The following PTPN4 variants were observed in gnomAD, a reference collection of about 807,000 sequenced individuals.
The protein encoded by PTPN4 is protein tyrosine phosphatase non-receptor type 4.
A neutral mutation model predicts 135.5 loss-of-function variants in PTPN4; 49 were observed. The observed-to-expected ratio is 0.36, with a 90% CI of 0.29 to 0.46. PTPN4 has a LOEUF of 0.46. Among genes scored for constraint, PTPN4 ranks in the 20% least tolerant of loss-of-function variants. The probability of loss-of-function intolerance (pLI) is 1.00; values close to 1 mark genes in which losing one functional copy is unlikely to be tolerated. For synonymous variants in PTPN4, 333 were observed against 369.9 expected (o/e 0.90, Z 1.14); for missense variants, 860 against 1,101.0 (o/e 0.78, Z 3.10).
chr2:119,830,531 C>T (rs931080232), intron 2 of PTPN4, among the ~76,000 whole-genome samples: 15 of 152,156 alleles, frequency 9.9e-5, no homozygotes, highest in Non-Finnish European at 1.5e-4. Context: ...TGCAGTGGCG[C>T]GGTCTTGGCT....
intron 12 of PTPN4, 117 bp from the exon 13 acceptor site, chr2:119,926,481 T>A: frequency 3.3e-6 from 2 of 613,102 alleles, no homozygotes; most frequent in South Asian, 8.2e-5. Context: ...CTGCTTCCTT[T>A]TCTCTGCTAG....
rs763567024 is a variant in PTPN4 at position 119,881,811 on chromosome 2, C to A, written c.394C>A (p.Gln132Lys). 2.6e-6 allele frequency: 4 copies of A among 1,564,446 alleles called. No individual in the cohort carries two copies. The African/African-American group carries it at 5.5e-5, about 21-fold the overall frequency. The part of the protein sequence containing the change: ...TRYQYFLQIK[Q>K]DILTGRLPCP... The stretch of plus-strand genomic sequence containing the variant: ...GTACCAGTATTTTTTGCAAATTAAA[C>A]AAGACATTCTTACTGGAAGGTGGGC... The change falls in exon 6 of 27, where the codon CAA becomes AAA. Residue 132 changes from glutamine (Q) to lysine (K), a missense_variant. Gln to Lys is a moderately conservative substitution (Grantham distance 53, BLOSUM62 1). Around this residue, in one of 2 missense-constraint regions of PTPN4, gnomAD observed 684 missense variants for 807.0 expected, o/e 0.85. Transcript: ENST00000263708.
intron 18 of PTPN4, among the ~76,000 whole-genome samples, chr2:119,951,758 G>A (rs1055196175): frequency 3.9e-5 from 6 of 152,086 alleles, no homozygotes; most frequent in African/African-American, 1.4e-4. Flanking sequence ...GCACATAATA[G>A]GTCATCAGGA....
chr2:119,848,444 A>T (rs924347610), intron 2 of PTPN4, among the ~76,000 whole-genome samples: 3 of 151,928 alleles, frequency 2.0e-5, no homozygotes, highest in African/African-American at 2.4e-5. Flanking sequence ...GAGTGCTGGG[A>T]TTACAGGCGT....
rs760556953 is a variant in PTPN4, at chr2:119,885,822, T to C, written c.615T>C (p.Phe205=). The C allele has an allele frequency of 5.6e-6, 9 of 1,602,966 alleles. No individual in the cohort carries two copies. In the Admixed American group the frequency reaches 1.6e-4, roughly 28 times the overall value. ...GCTTATCTCCTGCAGAAGCAGAATT[T>C]AATTACCTAAACACAGCACGTACCT... The part of the protein sequence containing the change: ...HIGLSPAEAE[F]NYLNTARTLE... The change falls in exon 9 of 27, where the codon TTT becomes TTC. Residue 205 remains phenylalanine, a synonymous_variant. Transcript: ENST00000263708.
At chr2:119,774,587 A>G (rs1268880952) in intron 1 of PTPN4, among the ~76,000 whole-genome samples, 1 of 152,220 alleles carries the variant, frequency 6.6e-6, no homozygotes, top group African/African-American at 2.4e-5. Flanking sequence ...ACTTAAAGCA[A>G]AAGAAAGGTG....
At chr2:119,948,229 T>C (rs1679164232) in intron 18 of PTPN4, among the ~76,000 whole-genome samples, 2 of 152,076 alleles carry the variant, frequency 1.3e-5, no homozygotes, top group South Asian at 4.1e-4. Flanking sequence ...ACAAAGTTAA[T>C]AGATAATATC....
Position 119,977,109 on chromosome 2 carries a change from T to C in PTPN4, c.*39T>C. 6.4e-7 allele frequency: 1 copy of C among 1,561,014 alleles called. No individual in the cohort carries two copies. Among genetic ancestry groups the C allele is most frequent in the African/African-American group, 1.4e-5 (1 of 71,688 alleles). On this transcript the variant is annotated 3_prime_UTR_variant, in exon 27 of 27. Coordinates refer to ENST00000263708, the MANE Select transcript of PTPN4 (RefSeq NM_002830.4). ...TCTGGGATATGTGTTGGAAAACTGCTTTCCCTTATGTTCACTGTGCCATAA... is the reference window on the plus strand; with the variant it reads ...TCTGGGATATGTGTTGGAAAACTGCCTTCCCTTATGTTCACTGTGCCATAA...
intron 13 of PTPN4, 122 bp from the exon 14 acceptor site, chr2:119,932,302 C>T: frequency 1.0e-6 from 1 of 976,594 alleles, no homozygotes; most frequent in Non-Finnish European, 1.4e-6. Flanking sequence ...TAATTTTTTA[C>T]AAGTAAACTC....
Position 119,922,189 on chromosome 2 carries a change from A to T in PTPN4, c.1001+1948A>T, listed in dbSNP as rs543456724. On this transcript the variant is annotated intron_variant, in intron 12 of 26. Coordinates refer to ENST00000263708, the MANE Select transcript of PTPN4 (RefSeq NM_002830.4). ...AAGGAAATTTGTACCATAAATATTAATAAAAGCAAGTTCAAGGACAATCTG... is the reference window on the plus strand; with the variant it reads ...AAGGAAATTTGTACCATAAATATTATTAAAAGCAAGTTCAAGGACAATCTG... 9.9e-5 allele frequency among the ~76,000 whole-genome samples: 15 copies of T among 150,784 alleles called. No individual in the cohort carries two copies. In the East Asian group the frequency reaches 2.9e-3, roughly 29 times the overall value.
chr2:119,954,423 C>T (rs1325631611), intron 19 of PTPN4, among the ~76,000 whole-genome samples: 1 of 152,206 alleles, frequency 6.6e-6, no homozygotes, highest in Non-Finnish European at 1.5e-5. Context: ...CTCTCCAGAT[C>T]TTCATGGGTA....
rs191199067 is a variant in PTPN4, at chr2:119,975,961, A to G, written c.2695-1023A>G. On this transcript the variant is annotated intron_variant, in intron 26 of 26. Transcript: ENST00000263708. ...TCCCTCCATCCCTTTATAAGAAACT[A>G]TTTTTATTTATTTTATTTTATTTTT... Among the ~76,000 whole-genome samples the G allele has an allele frequency of 3.9e-3, 576 of 149,222 alleles. 1 individual carries two copies. Among genetic ancestry groups the G allele is most frequent in the African/African-American group, 0.013 (531 of 40,720 alleles).
chr2:119,782,630 G>A (rs1299844712), intron 1 of PTPN4, among the ~76,000 whole-genome samples: 2 of 151,364 alleles, frequency 1.3e-5, no homozygotes, highest in African/African-American at 4.9e-5. Flanking sequence ...GTGAATCAGT[G>A]GCTTACTAGA....
intron 2 of PTPN4, among the ~76,000 whole-genome samples, chr2:119,832,329 T>C (rs952039838): frequency 2.6e-5 from 4 of 152,062 alleles, no homozygotes; most frequent in African/African-American, 9.6e-5. Flanking sequence ...TTGAGAGGAG[T>C]TTTCCATAAT....
intron 22 of PTPN4, 71 bp downstream of exon 22, chr2:119,957,148 T>A: frequency 7.3e-7 from 1 of 1,377,480 alleles, no homozygotes; most frequent in Non-Finnish European, 1.0e-6. Flanking sequence ...AGGTTCTTTT[T>A]GTTAAAATCC....
At chr2:119,876,897 A>ATATGTGTGTG (rs1491120929) in intron 3 of PTPN4, among the ~76,000 whole-genome samples, 7 of 136,026 alleles carry the variant, frequency 5.1e-5, no homozygotes, top group African/African-American at 1.1e-4. Context: ...GCCCAAGAGC[A>ATATGTGTGTG]TGTGTGTGTG....
At chr2:119,864,899 A>G (rs1293382187) in intron 3 of PTPN4, among the ~76,000 whole-genome samples, 1 of 152,086 alleles carries the variant, frequency 6.6e-6, no homozygotes, top group African/African-American at 2.4e-5. Context: ...ATTCAAAGTA[A>G]TTCTTCCAGA....
chr2:119,965,740 CTG>C, intron 25 of PTPN4, 95 bp downstream of exon 25: 3 of 1,391,766 alleles, frequency 2.2e-6, no homozygotes, highest in Non-Finnish European at 2.9e-6. Context: ...GTTATTGTCA[CTG>C]TAATAATTAG....
At chr2:119,875,141 T>G (rs1677966852) in intron 3 of PTPN4, among the ~76,000 whole-genome samples, 1 of 152,146 alleles carries the variant, frequency 6.6e-6, no homozygotes, top group Admixed American at 6.5e-5. Flanking sequence ...TAGAACTTGT[T>G]TATATATTAT....
Sources: allele counts gnomAD v4.1 joint callset (sites outside exome capture counted in the v4.1 genomes callset), GRCh38; gene constraint gnomAD v4.1.1; regional missense constraint gnomAD v4.1.1; transcripts MANE v1.5; gene names NCBI Gene and HGNC (gene_info 2026-07-23, HGNC 2026-07-21).